The following GRIA2 variants were observed in gnomAD, a reference collection of about 807,000 sequenced individuals.
GRIA2 encodes glutamate ionotropic receptor AMPA type subunit 2.
Under a neutral mutation model 97.3 loss-of-function variants are expected in GRIA2, and 14 were observed. The ratio of observed to expected loss-of-function variants is 0.14; its 90% confidence interval spans 0.10 to 0.23. The LOEUF (loss-of-function observed/expected upper bound fraction) is 0.23. Ranked by LOEUF, GRIA2 falls within the 10% of genes least tolerant of loss-of-function variation. The pLI is 1.00. For synonymous variants in GRIA2, 412 were observed against 387.8 expected (o/e 1.06, Z -0.73); for missense variants, 558 against 1,069.8 (o/e 0.52, Z 6.67).
At chr4:157,307,468 C>G (rs762552981) in intron 3 of GRIA2, among the ~76,000 whole-genome samples, 1 of 152,174 alleles carries the variant, frequency 6.6e-6, no homozygotes, top group Non-Finnish European at 1.5e-5. Context: ...TTTTAGGTTG[C>G]TGGTGTCTTC....
intron 2 of GRIA2, among the ~76,000 whole-genome samples, chr4:157,255,845 G>T (rs1003098467): frequency 4.0e-5 from 6 of 151,598 alleles, no homozygotes; most frequent in Admixed American, 1.3e-4. Context: ...AGTGGACAAA[G>T]GATATGAATA....
At chr4:157,282,866 G>T (rs1732670652) in intron 2 of GRIA2, among the ~76,000 whole-genome samples, 1 of 151,968 alleles carries the variant, frequency 6.6e-6, no homozygotes, top group Non-Finnish European at 1.5e-5. Flanking sequence ...CCAAAAGAAT[G>T]CACTGATTTC....
intron 2 of GRIA2, among the ~76,000 whole-genome samples, chr4:157,297,299 C>T (rs1335259011): frequency 6.6e-6 from 1 of 151,952 alleles, no homozygotes; most frequent in Non-Finnish European, 1.5e-5. Context: ...AAGAGATGGG[C>T]TTATTTCAAC....
At chr4:157,270,006 T>A (rs1023274812) in intron 2 of GRIA2, among the ~76,000 whole-genome samples, 2 of 152,132 alleles carry the variant, frequency 1.3e-5, no homozygotes, top group Non-Finnish European at 2.9e-5. Flanking sequence ...TATTAATATC[T>A]GACTTTTTCC....
At chr4:157,348,353 C>A (rs2126965939) in intron 12 of GRIA2, among the ~76,000 whole-genome samples, 1 of 152,136 alleles carries the variant, frequency 6.6e-6, no homozygotes, top group East Asian at 1.9e-4. Flanking sequence ...CTGGCTTGAA[C>A]TGATCCTCCT....
At chr4:157,353,212 C>T (rs911073922) in intron 12 of GRIA2, among the ~76,000 whole-genome samples, 5 of 151,710 alleles carry the variant, frequency 3.3e-5, no homozygotes, top group Non-Finnish European at 7.4e-5. Context: ...ATTAGACCAG[C>T]GTGGTGGCGC....
At chr4:157,307,643 A>T (rs1021929732) in intron 3 of GRIA2, among the ~76,000 whole-genome samples, 6 of 152,246 alleles carry the variant, frequency 3.9e-5, no homozygotes, top group African/African-American at 1.4e-4. Flanking sequence ...TTTTGGATAT[A>T]TATGTTGTAA....
At chr4:157,276,124 C>T (rs1579324454) in intron 2 of GRIA2, among the ~76,000 whole-genome samples, 2 of 152,132 alleles carry the variant, frequency 1.3e-5, no homozygotes, top group African/African-American at 4.8e-5. Flanking sequence ...CTCTTTGAAG[C>T]AATTGTAAAT....
rs558088898 is a variant in GRIA2 at position 157,245,800 on chromosome 4, T to A, written c.229+23993T>A. Among the ~76,000 whole-genome samples, 17 of 152,234 alleles carry A rather than the reference T, an allele frequency of 1.1e-4. No individual in the cohort carries two copies. The South Asian group carries it at 2.3e-3, about 20-fold the overall frequency. ...AATTTTATTCTCTGTAATTTAAACATCCTTTCATTTAGGCAACCCTCTGAG... is the reference window on the plus strand; with the variant it reads ...AATTTTATTCTCTGTAATTTAAACAACCTTTCATTTAGGCAACCCTCTGAG... On this transcript the variant is annotated intron_variant, in intron 2 of 15. Transcript: ENST00000264426.
At chr4:157,351,974 A>G (rs1050281253) in intron 12 of GRIA2, among the ~76,000 whole-genome samples, 2 of 152,226 alleles carry the variant, frequency 1.3e-5, no homozygotes, top group Non-Finnish European at 2.9e-5. Context: ...ACGAACTTAT[A>G]TGACATGACT....
chr4:157,352,008 C>A (rs528439122), intron 12 of GRIA2, among the ~76,000 whole-genome samples: 2 of 152,284 alleles, frequency 1.3e-5, no homozygotes, highest in East Asian at 3.9e-4. Context: ...ATTTGAGAGT[C>A]ATTTCAAAAT....
intron 2 of GRIA2, among the ~76,000 whole-genome samples, chr4:157,292,864 G>A (rs1433633867): frequency 6.6e-6 from 1 of 152,038 alleles, no homozygotes; most frequent in Non-Finnish European, 1.5e-5. Context: ...TTGCTTCCAA[G>A]TTTTTTAATG....
intron 2 of GRIA2, among the ~76,000 whole-genome samples, chr4:157,257,281 G>GT (rs966989621): frequency 2.1e-4 from 32 of 152,116 alleles, no homozygotes; most frequent in Admixed American, 3.3e-4. Context: ...ATATCATGTG[G>GT]TTTTTTCTTT....
rs530297577 is a variant in GRIA2, at chr4:157,258,814, A to T, written c.229+37007A>T. On this transcript the variant is annotated intron_variant, in intron 2 of 15. Coordinates refer to ENST00000264426, the MANE Select transcript of GRIA2 (RefSeq NM_001083619.3). ...CCCTTTATTTCTCAGAGCAGCCGACACTTAGGGAAAATAGAAAAGGACCCA... is the reference window on the plus strand; with the variant it reads ...CCCTTTATTTCTCAGAGCAGCCGACTCTTAGGGAAAATAGAAAAGGACCCA... Among the ~76,000 whole-genome samples the T allele has an allele frequency of 1.6e-4, 24 of 152,194 alleles. 1 individual carries two copies. The South Asian group carries it at 4.2e-3, about 26-fold the overall frequency.
intron 10 of GRIA2, 24 bp downstream of exon 10, chr4:157,335,901 T>C: frequency 7.0e-7 from 1 of 1,426,006 alleles, no homozygotes; most frequent in South Asian, 1.2e-5. Flanking sequence ...TTCTCATAGA[T>C]AAAGTCATTC....
chr4:157,269,237 A>G (rs1243673355), intron 2 of GRIA2, among the ~76,000 whole-genome samples: 2 of 152,068 alleles, frequency 1.3e-5, no homozygotes, highest in African/African-American at 4.8e-5. Flanking sequence ...GAACCAAGAA[A>G]GGTCAAAATT....
At chr4:157,350,931 C>CTTTTTTTTTTT (rs1240937135) in intron 12 of GRIA2, among the ~76,000 whole-genome samples, 2 of 117,528 alleles carry the variant, frequency 1.7e-5, no homozygotes, top group Non-Finnish European at 1.8e-5. Context: ...TTAGTTTTTT[C>CTTTTTTTTTTT]TTTTTTTTTT....
At chr4:157,254,778 G>T (rs1302937455) in intron 2 of GRIA2, among the ~76,000 whole-genome samples, 1 of 152,014 alleles carries the variant, frequency 6.6e-6, no homozygotes, top group Middle Eastern at 3.4e-3. Context: ...TCACTTATAT[G>T]GTCAAAGATA....
chr4:157,254,060 C>T (rs1294478402), intron 2 of GRIA2, among the ~76,000 whole-genome samples: 1 of 150,646 alleles, frequency 6.6e-6, no homozygotes, highest in Non-Finnish European at 1.5e-5. Context: ...CAGGGTTAGA[C>T]TAAAAATGAG....
Sources: gnomAD v4.1 joint callset for allele counts (sites outside exome capture counted in the v4.1 genomes callset) on GRCh38, gnomAD v4.1.1 for gene constraint, MANE v1.5 for transcripts, NCBI Gene and HGNC (gene_info 2026-07-23, HGNC 2026-07-21) for gene names.